The following PTPRD variants were observed in gnomAD, a reference collection of about 807,000 sequenced individuals.
PTPRD encodes the protein receptor-type tyrosine-protein phosphatase delta.
PTPRD carries 34 observed loss-of-function variants against 214.5 expected under a neutral mutation model. The observed-to-expected ratio is 0.16, with a 90% confidence interval of 0.12 to 0.21. The LOEUF (loss-of-function observed/expected upper bound fraction) is 0.21. PTPRD is among the 10% of genes least tolerant of loss of function. The pLI is 1.00. For missense variants in PTPRD, 2,545 were observed against 2,398.7 expected, an observed-to-expected ratio of 1.06 and a Z score of -1.27; for synonymous variants, 1,128 against 845.7, an observed-to-expected ratio of 1.33 and a Z score of -5.79.
chr9:8,796,115 G>C (rs2096412817), intron 11 of PTPRD, among the ~76,000 whole-genome samples: 1 of 152,132 alleles, frequency 6.6e-6, no homozygotes, highest in South Asian at 2.1e-4. Context: ...GGTAGCCACA[G>C]CAGAAAATGC....
chr9:9,369,065 T>C (rs948760516), intron 9 of PTPRD, among the ~76,000 whole-genome samples: 7 of 152,080 alleles, frequency 4.6e-5, no homozygotes, highest in Non-Finnish European at 8.8e-5. Context: ...TCCAGCTTCA[T>C]CCATGTCCCT....
intron 9 of PTPRD, among the ~76,000 whole-genome samples, chr9:9,307,812 A>C (rs945498202): frequency 6.6e-6 from 1 of 152,216 alleles, no homozygotes; most frequent in African/African-American, 2.4e-5. Context: ...GACCAGTATC[A>C]TCTTCCCAAA....
rs151158911 is a variant in PTPRD at position 10,280,961 on chromosome 9, T to C, written c.-545+60002A>G. ...TTCCCAGGTGTGCTAATGCCAGTGG[T>C]TCAGGAATCACATTTGAGAACCACT... On this transcript the variant is annotated intron_variant, in intron 3 of 45. Coordinates refer to ENST00000381196, the MANE Select transcript of PTPRD (RefSeq NM_002839.4). Among the ~76,000 whole-genome samples the C allele has an allele frequency of 2.2e-4, 33 of 152,252 alleles. 1 individual carries two copies. The East Asian group carries it at 6.2e-3, about 29-fold the overall frequency.
At chr9:10,573,232 C>A (rs576238850) in intron 2 of PTPRD, among the ~76,000 whole-genome samples, 21 of 152,228 alleles carry the variant, frequency 1.4e-4, no homozygotes, top group African/African-American at 5.1e-4. Flanking sequence ...TATATCTGTA[C>A]ATTTTGATGT....
In PTPRD at chr9:8,487,927, G is replaced by T. The variant is rs2097064582; in HGVS notation, c.2468-1578C>A. On this transcript the variant is annotated intron_variant, in intron 27 of 45. Transcript: ENST00000381196. ...GTCTGTAGTCTTAGCCACTCAGGGGGCTGAGGTGGGAGAATTGCTTGAGCC... is the reference window on the plus strand; with the variant it reads ...GTCTGTAGTCTTAGCCACTCAGGGGTCTGAGGTGGGAGAATTGCTTGAGCC... Among the ~76,000 whole-genome samples, 3 of 152,146 alleles carry T rather than the reference G, an allele frequency of 2.0e-5. No homozygotes were observed. In the South Asian group the frequency reaches 6.2e-4, roughly 32 times the overall value.
intron 7 of PTPRD, among the ~76,000 whole-genome samples, chr9:9,600,717 T>C (rs2093683009): frequency 6.6e-6 from 1 of 152,084 alleles, no homozygotes; most frequent in South Asian, 2.1e-4. Flanking sequence ...ATGGGTAGTA[T>C]TGAATAACAA....
intron 3 of PTPRD, among the ~76,000 whole-genome samples, chr9:10,177,603 T>C (rs1332140205): frequency 1.3e-5 from 2 of 151,910 alleles, no homozygotes; most frequent in Non-Finnish European, 2.9e-5. Context: ...TGGTGAACTA[T>C]GATAGGGGCT....
chr9:9,992,376 G>C (rs900213153), intron 4 of PTPRD, among the ~76,000 whole-genome samples: 2 of 152,202 alleles, frequency 1.3e-5, no homozygotes, highest in Non-Finnish European at 2.9e-5. Context: ...TTCAACCATT[G>C]TGGAAGCCAG....
At chr9:8,761,672 A>T (rs1238373999) in intron 11 of PTPRD, among the ~76,000 whole-genome samples, 1 of 152,212 alleles carries the variant, frequency 6.6e-6, no homozygotes, top group Non-Finnish European at 1.5e-5. Context: ...ATCTACATGG[A>T]TAATTTTATA....
At chr9:9,335,310 G>A (rs2044004108) in intron 9 of PTPRD, among the ~76,000 whole-genome samples, 1 of 152,022 alleles carries the variant, frequency 6.6e-6, no homozygotes, top group Non-Finnish European at 1.5e-5. Context: ...AGACTCTTTT[G>A]GTGAAGGATA....
intron 10 of PTPRD, among the ~76,000 whole-genome samples, chr9:9,175,037 G>A (rs575473407): frequency 2.6e-4 from 39 of 152,090 alleles, no homozygotes; most frequent in African/African-American, 8.9e-4. Flanking sequence ...GACATAGCCA[G>A]AAGACCCCAT....
intron 12 of PTPRD, among the ~76,000 whole-genome samples, chr9:8,643,445 G>A (rs2096619925): frequency 6.6e-6 from 1 of 152,216 alleles, no homozygotes; most frequent in South Asian, 2.1e-4. Context: ...GGTTATGAGT[G>A]AGAGAACTTC....
intron 5 of PTPRD, 62 bp downstream of exon 5, chr9:9,938,445 A>G (rs2090334529): frequency 6.6e-6 from 1 of 152,184 alleles, no homozygotes; most frequent in Non-Finnish European, 1.5e-5. Context: ...TGTAGATAGA[A>G]GTCCAAAAAA....
chr9:10,038,722 T>C (rs980909623), intron 3 of PTPRD, among the ~76,000 whole-genome samples: 2 of 152,068 alleles, frequency 1.3e-5, no homozygotes, highest in Non-Finnish European at 2.9e-5. Context: ...ATCAGATAAT[T>C]TGGACTCACT....
chr9:9,462,833 G>A (rs1441896270), intron 8 of PTPRD, among the ~76,000 whole-genome samples: 2 of 152,098 alleles, frequency 1.3e-5, no homozygotes, highest in Non-Finnish European at 1.5e-5. Context: ...TCTCCTCCTA[G>A]ACACTTTATC....
In PTPRD at chr9:8,528,707, G is replaced by A. The variant is rs545049137; in HGVS notation, c.425C>T (p.Thr142Met). ...ACTGGCTGCACAAAGCATGGTGGCC[G>A]TGCGAGTACGCTCAACCACCTTCAA... ...PQLKVVERTR[T>M]ATMLCAASGN... Residue 142 changes from threonine (T) to methionine (M), a missense_variant, in exon 15 of 46, where the codon ACG becomes ATG. Coordinates refer to ENST00000381196, the MANE Select transcript of PTPRD (RefSeq NM_002839.4). 6 of 1,613,612 alleles carry A rather than the reference G, an allele frequency of 3.7e-6. No individual in the cohort carries two copies. The highest frequency in any genetic ancestry group is 1.3e-5 in the African/African-American group (1 of 74,990).
chr9:9,398,814 G>A (rs10977727), intron 8 of PTPRD, among the ~76,000 whole-genome samples: 38,517 of 151,724 alleles, frequency 0.25, 5,028 homozygotes, highest in Middle Eastern at 0.31. Context: ...GCCTATGAAC[G>A]TGGTCACCCC....
Position 8,932,528 on chromosome 9 carries a change from C to G in PTPRD, c.-104+86169G>C, listed in dbSNP as rs115893964. Among the ~76,000 whole-genome samples, 898 of 152,276 alleles carry G rather than the reference C, an allele frequency of 5.9e-3. 11 individuals are homozygous for G. The highest frequency in any genetic ancestry group is 0.02 in the African/African-American group (846 of 41,552). The stretch of plus-strand genomic sequence containing the variant: ...GGAGATGGGAGTTTGATCCATAAGT[C>G]CCTGACTGTGGCTGCTGCCTTTCTT... On this transcript the variant is annotated intron_variant, in intron 11 of 45. Transcript: ENST00000381196.
chr9:9,933,991 T>G (rs1419189336), intron 5 of PTPRD, among the ~76,000 whole-genome samples: 3 of 144,530 alleles, frequency 2.1e-5, no homozygotes, highest in African/African-American at 8.2e-5. Flanking sequence ...GGGTACATAA[T>G]GAAATGAAGG....
Sources: gnomAD v4.1 joint callset for allele counts (sites outside exome capture counted in the v4.1 genomes callset) on GRCh38, gnomAD v4.1.1 for gene constraint, MANE v1.5 for transcripts, NCBI Gene and HGNC (gene_info 2026-07-23, HGNC 2026-07-21) for gene names.